Variants in RELN observed in about 807,000 individuals in gnomAD.
RELN encodes the protein reelin.
RELN carries 108 observed loss-of-function variants against 427.6 expected under a neutral mutation model. The observed-to-expected ratio is 0.25, with a 90% CI of 0.22 to 0.30. The LOEUF is 0.30. Ranked by LOEUF, RELN falls within the 10% of genes least tolerant of loss-of-function variation. The probability of loss-of-function intolerance (pLI) is 1.00; values close to 1 mark genes in which losing one functional copy is unlikely to be tolerated. For missense variants in RELN, 3,715 were observed against 4,302.8 expected (o/e 0.86, Z 3.82); for synonymous variants, 1,524 against 1,513.4 (o/e 1.01, Z -0.16).
chr7:103,592,600 G>T (rs557680702), intron 27 of RELN, among the ~76,000 whole-genome samples: 74 of 152,204 alleles, frequency 4.9e-4, no homozygotes, highest in African/African-American at 1.6e-3. Flanking sequence ...CCTAAGCAGT[G>T]TGCATTCCTG....
chr7:103,819,912 A>G (rs1584266980), intron 3 of RELN, among the ~76,000 whole-genome samples: 1 of 151,974 alleles, frequency 6.6e-6, no homozygotes, highest in Non-Finnish European at 1.5e-5. Flanking sequence ...AAGTCCAGAA[A>G]TATTGCTTTA....
chr7:103,715,975 C>A (rs1171357421), intron 8 of RELN, among the ~76,000 whole-genome samples: 1 of 152,212 alleles, frequency 6.6e-6, no homozygotes, highest in Non-Finnish European at 1.5e-5. Context: ...AATCCCCATC[C>A]CGGGCAGCAA....
intron 2 of RELN, among the ~76,000 whole-genome samples, chr7:103,906,406 C>A (rs1168376103): frequency 6.6e-6 from 1 of 152,108 alleles, no homozygotes; most frequent in African/African-American, 2.4e-5. Context: ...ACACACCGGG[C>A]AGATAGCAAG....
At chr7:103,833,008 A>G (rs1434237178) in intron 3 of RELN, among the ~76,000 whole-genome samples, 1 of 152,162 alleles carries the variant, frequency 6.6e-6, no homozygotes, top group Non-Finnish European at 1.5e-5. Context: ...CTTATTGCAT[A>G]TATTTATGGA....
intron 1 of RELN, among the ~76,000 whole-genome samples, chr7:103,921,788 A>T (rs1795622429): frequency 6.6e-6 from 1 of 152,154 alleles, no homozygotes; most frequent in South Asian, 2.1e-4. Context: ...TGTTAACTGG[A>T]TTAAACAGTT....
At chr7:103,919,534 T>C (rs1233439820) in intron 1 of RELN, among the ~76,000 whole-genome samples, 3 of 152,146 alleles carry the variant, frequency 2.0e-5, no homozygotes, top group African/African-American at 7.2e-5. Flanking sequence ...TCCTGTGACA[T>C]CGGCCCCTGC....
At chr7:103,635,687 C>T in intron 18 of RELN, 101 bp from the exon 19 acceptor site, 4 of 943,506 alleles carry the variant, frequency 4.2e-6, no homozygotes, top group East Asian at 2.5e-5. Flanking sequence ...CTACTCACCC[C>T]TCTTTTACAA....
intron 4 of RELN, among the ~76,000 whole-genome samples, chr7:103,755,815 G>GAAGAA (rs1791134383): frequency 9.7e-6 from 1 of 103,626 alleles, no homozygotes; most frequent in Non-Finnish European, 1.8e-5. Flanking sequence ...TCCACCTCAA[G>GAAGAA]AAAAAAAAAA....
At position 103,953,939 on chromosome 7, in the gene RELN, C is replaced by T. The variant is rs1796381990; in HGVS notation, c.226+35192G>A. Among the ~76,000 whole-genome samples, 1 of 151,290 alleles carries T rather than the reference C, an allele frequency of 6.6e-6. No individual in the cohort carries two copies. The highest frequency in any genetic ancestry group is 2.1e-4 in the South Asian group (1 of 4,794). ...AGAGCAAGACTCCATCTCAAAAAAACAAAACAAACAACAATAACAACAAAA... is the reference window on the plus strand; with the variant it reads ...AGAGCAAGACTCCATCTCAAAAAAATAAAACAAACAACAATAACAACAAAA... On this transcript the variant is annotated intron_variant, in intron 1 of 64. Coordinates refer to ENST00000428762, the MANE Select transcript of RELN (RefSeq NM_005045.4). This position sits in a 1 kb window ranked among gnomAD's most constrained non-coding sequence, Gnocchi z 4.3.
At chr7:103,875,633 G>A (rs1794460398) in intron 2 of RELN, among the ~76,000 whole-genome samples, 1 of 151,986 alleles carries the variant, frequency 6.6e-6, no homozygotes, top group African/African-American at 2.4e-5. Context: ...CTACCAGGTG[G>A]ATATAAACCT....
chr7:103,958,082 T>C (rs74811647), intron 1 of RELN, among the ~76,000 whole-genome samples: 12,035 of 152,168 alleles, frequency 0.079, 940 homozygotes, highest in East Asian at 0.19. Context: ...ATGGGCAGAA[T>C]AGTATCTACC....
chr7:103,726,009 T>C (rs1475522711), intron 7 of RELN, among the ~76,000 whole-genome samples: 1 of 152,186 alleles, frequency 6.6e-6, no homozygotes, highest in Non-Finnish European at 1.5e-5. Context: ...ATGGGCTTTA[T>C]GAAAAATAAG....
intron 1 of RELN, among the ~76,000 whole-genome samples, chr7:103,936,755 C>A (rs62487054): frequency 1.1e-5 from 1 of 88,532 alleles, no homozygotes; most frequent in Non-Finnish European, 3.4e-5. Context: ...CACACACACA[C>A]ACACACACAC....
chr7:103,560,670 A>T (rs1830622842), intron 36 of RELN, among the ~76,000 whole-genome samples: 1 of 152,246 alleles, frequency 6.6e-6, no homozygotes, highest in South Asian at 2.1e-4. Context: ...AGGAGTTTCC[A>T]CTCTGAAATG....
intron 3 of RELN, among the ~76,000 whole-genome samples, chr7:103,795,792 C>A (rs1792284534): frequency 6.6e-6 from 1 of 152,284 alleles, no homozygotes. Flanking sequence ...CAATTTTGCC[C>A]CAGTAAACAT....
intron 28 of RELN, 25 bp from the exon 29 acceptor site, chr7:103,575,730 T>G: frequency 6.2e-7 from 1 of 1,613,782 alleles, no homozygotes; most frequent in Non-Finnish European, 8.5e-7. Flanking sequence ...AACACACCTG[T>G]TTCTTGTACC....
rs112575871 is a variant in RELN, at chr7:103,867,595, T to C, written c.338-33923A>G. 1.9e-3 allele frequency among the ~76,000 whole-genome samples: 293 copies of C among 152,178 alleles called. 4 individuals carry two copies. Among genetic ancestry groups the C allele is most frequent in the Non-Finnish European group, 1.2e-3 (80 of 67,986 alleles). On this transcript the variant is annotated intron_variant, in intron 2 of 64. Transcript: ENST00000428762. Reference sequence around the variant, plus strand: ...AAGTATTTCCTAGAAGAAAAATCAGTATTCTTTCCATTGAAATAAACCCAA... The same window carrying C: ...AAGTATTTCCTAGAAGAAAAATCAGCATTCTTTCCATTGAAATAAACCCAA...
At chr7:103,813,500 G>C (rs765041674) in intron 3 of RELN, among the ~76,000 whole-genome samples, 1 of 151,424 alleles carries the variant, frequency 6.6e-6, no homozygotes, top group Non-Finnish European at 1.5e-5. Flanking sequence ...GAGTCAATCT[G>C]ATTACTTTTG....
chr7:103,791,779 TTTTA>T (rs35944270), intron 3 of RELN, among the ~76,000 whole-genome samples: 107,570 of 151,032 alleles, frequency 0.71, 38,658 homozygotes, highest in African/African-American at 0.8. Context: ...TTTAAAAAGT[TTTTA>T]AAAAAAAAGA....
Sources: allele counts gnomAD v4.1 joint callset (sites outside exome capture counted in the v4.1 genomes callset), GRCh38; gene constraint gnomAD v4.1.1; non-coding constraint Gnocchi (gnomAD v3.1); transcripts MANE v1.5; gene names NCBI Gene and HGNC (gene_info 2026-07-23, HGNC 2026-07-21).